PLGRKT: variants seen among roughly 807,000 people sequenced by gnomAD.
PLGRKT encodes the protein plasminogen receptor with a C-terminal lysine.
In PLGRKT, 22 loss-of-function variants were observed where a neutral mutation model predicts 18.5. That is an observed-to-expected ratio of 1.19 (90% CI 0.85 to 1.70). PLGRKT has a LOEUF of 1.70. Among genes scored for constraint, PLGRKT ranks in the 40% most tolerant of loss-of-function variants. The probability of loss-of-function intolerance (pLI) is 0.00; values close to 1 mark genes in which losing one functional copy is unlikely to be tolerated. For missense variants in PLGRKT, 235 were observed against 174.4 expected, an observed-to-expected ratio of 1.35 and a Z score of -1.96; for synonymous variants, 72 against 52.8, an observed-to-expected ratio of 1.36 and a Z score of -1.58.
chr9:5,414,326 C>A (rs1021007009), intron 3 of PLGRKT, among the ~76,000 whole-genome samples: 1 of 152,132 alleles, frequency 6.6e-6, no homozygotes, highest in South Asian at 2.1e-4. Context: ...GCCACCACAC[C>A]CAGCTAATTT....
At chr9:5,359,103 C>T (rs1474216226) in intron 5 of PLGRKT, among the ~76,000 whole-genome samples, 1 of 150,934 alleles carries the variant, frequency 6.6e-6, no homozygotes, top group East Asian at 1.9e-4. Context: ...AGCTCTGTCG[C>T]CTAGGCTGGA....
At position 5,408,286 on chromosome 9, in the gene PLGRKT, G is replaced by C. The variant is rs376770961; in HGVS notation, c.81+23611C>G. Among the ~76,000 whole-genome samples, 13 of 152,308 alleles carry C rather than the reference G, an allele frequency of 8.5e-5. 1 individual carries two copies. The highest frequency in any genetic ancestry group is 7.7e-4 in the East Asian group (4 of 5,188). ...TGACCCAAATGCTGATAGTGATATG[G>C]ACAGAGATGGCCAGGTGGATGAGGT... On this transcript the variant is annotated intron_variant, in intron 3 of 5. Coordinates refer to ENST00000223864, the MANE Select transcript of PLGRKT (RefSeq NM_018465.4).
At chr9:5,372,437 G>A (rs1180832168) in intron 3 of PLGRKT, among the ~76,000 whole-genome samples, 1 of 152,122 alleles carries the variant, frequency 6.6e-6, no homozygotes, top group Non-Finnish European at 1.5e-5. Flanking sequence ...CTAAACAGTA[G>A]TTTGAACAGA....
At chr9:5,377,910 A>G (rs1817662293) in intron 3 of PLGRKT, among the ~76,000 whole-genome samples, 1 of 152,194 alleles carries the variant, frequency 6.6e-6, no homozygotes, top group Non-Finnish European at 1.5e-5. Flanking sequence ...AGAAAGAAAG[A>G]AAAAATAGAA....
chr9:5,405,130 G>T (rs1050673176), intron 3 of PLGRKT, among the ~76,000 whole-genome samples: 34 of 151,752 alleles, frequency 2.2e-4, no homozygotes, highest in Admixed American at 9.9e-4. Context: ...AATCAGAGAG[G>T]ACACAAGCAG....
chr9:5,412,633 T>A (rs1300054527), intron 3 of PLGRKT, among the ~76,000 whole-genome samples: 1 of 152,094 alleles, frequency 6.6e-6, no homozygotes, highest in African/African-American at 2.4e-5. Context: ...AATCACCCAG[T>A]CTGTATATTG....
chr9:5,430,791 T>C (rs886117040), intron 3 of PLGRKT, among the ~76,000 whole-genome samples: 1 of 152,250 alleles, frequency 6.6e-6, no homozygotes, highest in African/African-American at 2.4e-5. Context: ...GACATCTTTG[T>C]CTGAAATCTT....
chr9:5,418,693 C>A lies in PLGRKT; in HGVS notation c.81+13204G>T. 3.0e-6 allele frequency: 2 copies of A among 662,366 alleles called. No individual in the cohort carries two copies. Among genetic ancestry groups the A allele is most frequent in the South Asian group, 1.6e-5 (1 of 60,896 alleles). 41.0% of individuals were successfully genotyped at this position (662,366 alleles called of 1,614,324 possible). Reference sequence around the variant, plus strand: ...CAGGGGCAGCATGTAGCACCCACTGCCGGGAAGTCTGATGAAGACCGGCAT... The same window carrying A: ...CAGGGGCAGCATGTAGCACCCACTGACGGGAAGTCTGATGAAGACCGGCAT... On this transcript the variant is annotated intron_variant, in intron 3 of 5. Coordinates refer to ENST00000223864, the MANE Select transcript of PLGRKT (RefSeq NM_018465.4). The surrounding 1 kb of genome is among the most constrained non-coding windows in gnomAD (Gnocchi z 4.2).
intron 3 of PLGRKT, among the ~76,000 whole-genome samples, chr9:5,428,445 A>T (rs1818744236): frequency 6.6e-6 from 1 of 152,216 alleles, no homozygotes; most frequent in Admixed American, 6.5e-5. Context: ...GGGGTGGCCC[A>T]GAGCTCCAAA....
intron 3 of PLGRKT, among the ~76,000 whole-genome samples, chr9:5,400,548 A>G (rs1485840656): frequency 2.0e-5 from 3 of 151,948 alleles, no homozygotes; most frequent in Non-Finnish European, 2.9e-5. Flanking sequence ...TAAACCTACC[A>G]AACAGATTCA....
At chr9:5,374,325 C>T (rs1817586289) in intron 3 of PLGRKT, among the ~76,000 whole-genome samples, 1 of 152,220 alleles carries the variant, frequency 6.6e-6, no homozygotes, top group African/African-American at 2.4e-5. Flanking sequence ...CCCCTCTAAT[C>T]TACTTTTTAT....
intron 3 of PLGRKT, among the ~76,000 whole-genome samples, chr9:5,387,159 T>A (rs1817859528): frequency 6.6e-6 from 1 of 151,890 alleles, no homozygotes; most frequent in Admixed American, 6.6e-5. Flanking sequence ...TCAATGCTTT[T>A]AGAAAATGGA....
chr9:5,411,672 A>G (rs1818368967), intron 3 of PLGRKT, among the ~76,000 whole-genome samples: 1 of 152,226 alleles, frequency 6.6e-6, no homozygotes, highest in Non-Finnish European at 1.5e-5. Context: ...CTGCTAACAC[A>G]TCCTCTTGCT....
At chr9:5,414,705 C>G (rs79226239) in intron 3 of PLGRKT, among the ~76,000 whole-genome samples, 1 of 152,160 alleles carries the variant, frequency 6.6e-6, no homozygotes, top group South Asian at 2.1e-4. Flanking sequence ...CAAATAACGT[C>G]CTCTGGTTAT....
intron 3 of PLGRKT, among the ~76,000 whole-genome samples, chr9:5,398,758 C>T (rs1478292540): frequency 6.6e-6 from 1 of 151,758 alleles, no homozygotes; most frequent in Non-Finnish European, 1.5e-5. Context: ...TAAAAGAAGG[C>T]GCCACATGAT....
chr9:5,409,841 T>C (rs754726988), intron 3 of PLGRKT, among the ~76,000 whole-genome samples: 1 of 152,262 alleles, frequency 6.6e-6, no homozygotes, highest in South Asian at 2.1e-4. Flanking sequence ...GGAATGAGAG[T>C]GTTTACCCAG....
intron 2 of PLGRKT, among the ~76,000 whole-genome samples, chr9:5,433,456 G>A (rs1261608905): frequency 8.1e-5 from 12 of 147,730 alleles, no homozygotes; most frequent in African/African-American, 1.5e-4. Context: ...CTGCCCGGCC[G>A]CCACCCCGTC....
At chr9:5,425,893 T>C (rs1278441272) in intron 3 of PLGRKT, among the ~76,000 whole-genome samples, 1 of 152,236 alleles carries the variant, frequency 6.6e-6, no homozygotes, top group Non-Finnish European at 1.5e-5. Flanking sequence ...TAAGATTTTA[T>C]TTATTAGGCT....
chr9:5,436,125 A>T (rs1236830783), intron 2 of PLGRKT, among the ~76,000 whole-genome samples: 2 of 152,226 alleles, frequency 1.3e-5, no homozygotes, highest in Non-Finnish European at 2.9e-5. Context: ...CCACTCACTG[A>T]CAGCAGGGTG....
Sources: allele counts gnomAD v4.1 joint callset (sites outside exome capture counted in the v4.1 genomes callset), GRCh38; gene constraint gnomAD v4.1.1; non-coding constraint Gnocchi (gnomAD v3.1); transcripts MANE v1.5; gene names NCBI Gene and HGNC (gene_info 2026-07-23, HGNC 2026-07-21).